Variants in HMCN1 observed in about 807,000 individuals in gnomAD.
HMCN1 encodes the protein hemicentin-1.
HMCN1 carries 321 observed loss-of-function variants against 625.9 expected under a neutral mutation model. That is an observed-to-expected ratio of 0.51 (90% CI 0.47 to 0.56). The LOEUF (loss-of-function observed/expected upper bound fraction) is 0.56. Ranked by LOEUF, HMCN1 falls within the 20% of genes least tolerant of loss-of-function variation. HMCN1 has a pLI of 0.00. For missense variants in HMCN1, 6,588 were observed against 6,887.3 expected, an observed-to-expected ratio of 0.96 and a Z score of 1.54; for synonymous variants, 2,425 against 2,417.6, an observed-to-expected ratio of 1.00 and a Z score of -0.09.
At chr1:185,852,621 C>G (rs953470917) in intron 2 of HMCN1, among the ~76,000 whole-genome samples, 2 of 141,664 alleles carry the variant, frequency 1.4e-5, no homozygotes. Flanking sequence ...CACACACACA[C>G]ACACTTTAAA....
At chr1:186,005,864 C>T (rs966099394) in intron 29 of HMCN1, among the ~76,000 whole-genome samples, 5 of 152,034 alleles carry the variant, frequency 3.3e-5, no homozygotes, top group Admixed American at 1.3e-4. Context: ...GGCCAGGCAC[C>T]GTGGCTCACG....
At chr1:185,948,677 A>G (rs1158639033) in intron 11 of HMCN1, among the ~76,000 whole-genome samples, 3 of 151,888 alleles carry the variant, frequency 2.0e-5, no homozygotes, top group African/African-American at 4.9e-5. Flanking sequence ...CTGGGCATAT[A>G]TGTGCAAGTC....
At chr1:185,768,407 G>A (rs1656008775) in intron 1 of HMCN1, among the ~76,000 whole-genome samples, 2 of 152,172 alleles carry the variant, frequency 1.3e-5, no homozygotes, top group African/African-American at 2.4e-5. Flanking sequence ...AAAAACAGGT[G>A]GGAGAAGTTG....
rs1016278745 is a variant in HMCN1 at position 186,108,817 on chromosome 1, G to A, written c.10989+220G>A. ...ATAGTTGGTCATGGGTCAAAGAAAG[G>A]TATCTAGATTCATGATGCTCTGGAA... On this transcript the variant is annotated intron_variant, in intron 71 of 106. Transcript: ENST00000271588. 5.3e-5 allele frequency among the ~76,000 whole-genome samples: 8 copies of A among 152,144 alleles called. No homozygotes were observed. The South Asian group carries it at 1.2e-3, about 24-fold the overall frequency.
At chr1:186,083,486 A>C (rs1659294742) in intron 57 of HMCN1, among the ~76,000 whole-genome samples, 1 of 141,548 alleles carries the variant, frequency 7.1e-6, no homozygotes, top group Admixed American at 7.2e-5. Flanking sequence ...CACTCCATAA[A>C]TACCACTTTT....
Position 185,981,082 on chromosome 1 carries a change from A to G in HMCN1, c.2662+9A>G. 6.7e-7 allele frequency: 1 copy of G among 1,498,216 alleles called. No individual in the cohort carries two copies. The highest frequency in any genetic ancestry group is 2.3e-5 in the East Asian group (1 of 44,338). The allele number at this position is 1,498,216 out of a possible 1,614,324, so 92.8% of individuals were successfully genotyped here. On this transcript the variant is annotated intron_variant, in intron 17 of 106. Coordinates refer to ENST00000271588, the MANE Select transcript of HMCN1 (RefSeq NM_031935.3). ...AACAGTGACCGGACTTGGTAAGATCAATTGAATGTCTACATACCATGGTCT... is the reference window on the plus strand; with the variant it reads ...AACAGTGACCGGACTTGGTAAGATCGATTGAATGTCTACATACCATGGTCT...
intron 28 of HMCN1, among the ~76,000 whole-genome samples, chr1:186,002,989 T>G (rs1314640334): frequency 2.0e-5 from 3 of 152,144 alleles, no homozygotes; most frequent in Non-Finnish European, 2.9e-5. Context: ...GCTGAATCAA[T>G]GTAATAGCCT....
intron 93 of HMCN1, among the ~76,000 whole-genome samples, chr1:186,148,697 G>C (rs1340553601): frequency 6.6e-6 from 1 of 152,050 alleles, no homozygotes; most frequent in African/African-American, 2.4e-5. Context: ...AGTAGAGACA[G>C]GGTTTCACCA....
intron 31 of HMCN1, among the ~76,000 whole-genome samples, chr1:186,015,717 C>A (rs1477086192): frequency 6.6e-6 from 1 of 152,098 alleles, no homozygotes; most frequent in Non-Finnish European, 1.5e-5. Flanking sequence ...GGACAAAAAT[C>A]ATTCTCTACT....
intron 1 of HMCN1, among the ~76,000 whole-genome samples, chr1:185,795,221 G>A (rs189161760): frequency 2.0e-5 from 3 of 152,274 alleles, no homozygotes; most frequent in Admixed American, 6.5e-5. Context: ...ACTAGCTGAC[G>A]GAAGCTATAG....
At chr1:185,914,163 A>G (rs1253889636) in intron 6 of HMCN1, among the ~76,000 whole-genome samples, 1 of 152,158 alleles carries the variant, frequency 6.6e-6, no homozygotes, top group Non-Finnish European at 1.5e-5. Context: ...TTTTGCTTCT[A>G]TATGAAATAC....
intron 63 of HMCN1, among the ~76,000 whole-genome samples, chr1:186,089,407 T>C (rs1223699894): frequency 6.6e-6 from 1 of 152,018 alleles, no homozygotes; most frequent in Non-Finnish European, 1.5e-5. Context: ...AAAGAATTTC[T>C]CATAAATTAT....
At chr1:185,946,197 G>A (rs182406948) in intron 11 of HMCN1, among the ~76,000 whole-genome samples, 3 of 152,282 alleles carry the variant, frequency 2.0e-5, no homozygotes, top group East Asian at 3.9e-4. Flanking sequence ...TACTAAGGTA[G>A]CAGATAAATT....
chr1:186,117,924 G>T (rs1226712355), intron 77 of HMCN1, among the ~76,000 whole-genome samples: 3 of 152,068 alleles, frequency 2.0e-5, no homozygotes, highest in Non-Finnish European at 4.4e-5. Flanking sequence ...ACAAATTCCC[G>T]AGTTACCTGT....
At chr1:186,168,504 A>G (rs1173385152) in intron 100 of HMCN1, among the ~76,000 whole-genome samples, 1 of 150,832 alleles carries the variant, frequency 6.6e-6, no homozygotes, top group African/African-American at 2.5e-5. Context: ...AAGTTAACAC[A>G]TTGTAGATTT....
intron 1 of HMCN1, among the ~76,000 whole-genome samples, chr1:185,750,721 T>G (rs1395099506): frequency 6.6e-6 from 1 of 152,086 alleles, no homozygotes. Flanking sequence ...ACTCTTATTG[T>G]GATTTTTAAT....
chr1:186,023,526 A>C (rs743137), intron 36 of HMCN1, among the ~76,000 whole-genome samples: 98,476 of 151,992 alleles, frequency 0.65, 33,787 homozygotes, highest in African/African-American at 0.9. Context: ...AGAAGGATTT[A>C]GTGAGTAGAA....
At chr1:185,823,947 G>A (rs1445996002) in intron 1 of HMCN1, among the ~76,000 whole-genome samples, 2 of 152,212 alleles carry the variant, frequency 1.3e-5, no homozygotes, top group African/African-American at 4.8e-5. Flanking sequence ...GAGCACTTTG[G>A]AACTAACAGC....
intron 36 of HMCN1, among the ~76,000 whole-genome samples, chr1:186,032,087 T>C (rs993725551): frequency 3.3e-5 from 5 of 151,906 alleles, no homozygotes; most frequent in Admixed American, 2.0e-4. Flanking sequence ...CTAAAAACCT[T>C]ATGCATAGCA....
Sources: allele counts gnomAD v4.1 joint callset (sites outside exome capture counted in the v4.1 genomes callset), GRCh38; gene constraint gnomAD v4.1.1; transcripts MANE v1.5; gene names NCBI Gene and HGNC (gene_info 2026-07-23, HGNC 2026-07-21).